GRIP1: variants seen among roughly 807,000 people sequenced by gnomAD.
GRIP1 encodes glutamate receptor interacting protein 1, also known as glutamate receptor-interacting protein 1.
In GRIP1, 45 loss-of-function variants were observed where a neutral mutation model predicts 129.9. The observed-to-expected ratio is 0.35, with a 90% CI of 0.27 to 0.44. The LOEUF is 0.44. GRIP1 is among the 20% of genes least tolerant of loss of function. GRIP1 has a pLI of 1.00. For missense variants in GRIP1, 1,196 were observed against 1,396.8 expected (o/e 0.86, Z 2.29); for synonymous variants, 530 against 520.8 (o/e 1.02, Z -0.24).
intron 1 of GRIP1, among the ~76,000 whole-genome samples, chr12:67,001,046 A>G (rs2042543727): frequency 6.6e-6 from 1 of 152,152 alleles, no homozygotes; most frequent in Non-Finnish European, 1.5e-5. Flanking sequence ...GACTACCTAT[A>G]TTTCTGAAAC....
intron 1 of GRIP1, among the ~76,000 whole-genome samples, chr12:67,012,716 TTTC>T (rs2042728431): frequency 6.6e-6 from 1 of 152,172 alleles, no homozygotes; most frequent in South Asian, 2.1e-4. Context: ...TGTGAATTGT[TTTC>T]TTATCACAGA....
chr12:66,478,065 A>C (rs2059677890), intron 7 of GRIP1, among the ~76,000 whole-genome samples: 1 of 152,244 alleles, frequency 6.6e-6, no homozygotes, highest in South Asian at 2.1e-4. Flanking sequence ...GTGCAGCAAA[A>C]GAAACTACCG....
chr12:66,458,106 T>TG (rs1181878894), intron 9 of GRIP1, among the ~76,000 whole-genome samples: 1 of 152,250 alleles, frequency 6.6e-6, no homozygotes, highest in Non-Finnish European at 1.5e-5. Flanking sequence ...GTTTAGAGAA[T>TG]TTCTCAGAAA....
At chr12:66,395,670 TC>T (rs1390135515) in intron 16 of GRIP1, among the ~76,000 whole-genome samples, 1 of 152,202 alleles carries the variant, frequency 6.6e-6, no homozygotes, top group African/African-American at 2.4e-5. Context: ...AGTGCTCTAC[TC>T]AACGTATTTA....
intron 1 of GRIP1, among the ~76,000 whole-genome samples, chr12:67,033,112 C>G (rs911781003): frequency 2.6e-5 from 4 of 151,894 alleles, no homozygotes; most frequent in Non-Finnish European, 4.4e-5. Context: ...TTTTCCTAGG[C>G]TGAGAACTCA....
At chr12:66,428,629 G>A (rs1350783209) in intron 14 of GRIP1, among the ~76,000 whole-genome samples, 1 of 152,166 alleles carries the variant, frequency 6.6e-6, no homozygotes, top group Non-Finnish European at 1.5e-5. Flanking sequence ...TTGGATCCCT[G>A]CTTCACTTTT....
At chr12:66,713,194 T>G (rs531876724) in intron 1 of GRIP1, among the ~76,000 whole-genome samples, 1 of 152,118 alleles carries the variant, frequency 6.6e-6, no homozygotes, top group East Asian at 1.9e-4. Context: ...TTTCTCAAAG[T>G]AGAAGACTGG....
upstream of GRIP1, among the ~76,000 whole-genome samples, chr12:66,680,934 C>G (rs1252705007): frequency 6.6e-6 from 1 of 151,930 alleles, no homozygotes; most frequent in East Asian, 1.9e-4. Flanking sequence ...CTAAAATGAT[C>G]AAATATTTTC....
chr12:66,407,608 C>A (rs1293240089), intron 15 of GRIP1, among the ~76,000 whole-genome samples: 7 of 152,186 alleles, frequency 4.6e-5, no homozygotes, highest in Admixed American at 4.6e-4. Context: ...GAAAGCAACA[C>A]TGGGCAGAAG....
intron 1 of GRIP1, among the ~76,000 whole-genome samples, chr12:66,612,131 G>C (rs1391794243): frequency 6.6e-6 from 1 of 152,000 alleles, no homozygotes; most frequent in Non-Finnish European, 1.5e-5. Context: ...CTACAGCATA[G>C]GCTGAAAAAA....
chr12:66,805,380 A>G (rs904465056), upstream of GRIP1, among the ~76,000 whole-genome samples: 3 of 150,174 alleles, frequency 2.0e-5, no homozygotes, highest in Non-Finnish European at 4.5e-5. Context: ...TTAATCATGA[A>G]TAATTTTTTT....
chr12:67,021,310 A>G (rs780961983), intron 1 of GRIP1, among the ~76,000 whole-genome samples: 5 of 152,178 alleles, frequency 3.3e-5, no homozygotes, highest in South Asian at 2.1e-4. Flanking sequence ...CTGTCCCCCA[A>G]CAACAACAAA....
rs553183221 is a variant in GRIP1 at position 67,004,552 on chromosome 12, C to G, written c.58+64498G>C. On this transcript the variant is annotated intron_variant, in intron 1 of 1. Transcript: ENST00000643019. ...CCATTGTTACAAAATCATCAACAAG[C>G]CTGGCCATGGAAAGGAGGAGAGTAT... is the stretch of plus-strand genomic sequence containing the variant. Among the ~76,000 whole-genome samples, 138 of 152,080 alleles carry G rather than the reference C, an allele frequency of 9.1e-4. 1 individual carries two copies. The highest frequency in any genetic ancestry group is 6.8e-3 in the Middle Eastern group (2 of 294).
intron 1 of GRIP1, among the ~76,000 whole-genome samples, chr12:66,611,147 G>A (rs914286487): frequency 2.0e-5 from 3 of 152,118 alleles, no homozygotes; most frequent in Non-Finnish European, 4.4e-5. Flanking sequence ...ATAAGTAAAA[G>A]CATTTGTGCA....
chr12:66,406,147 T>C, intron 16 of GRIP1, 136 bp downstream of exon 16: 1 of 773,922 alleles, frequency 1.3e-6, no homozygotes, highest in Non-Finnish European at 2.1e-6. Flanking sequence ...GCACAAAATT[T>C]AAAGACTCTT....
intron 2 of GRIP1, among the ~76,000 whole-genome samples, chr12:66,551,665 T>C (rs1331389131): frequency 6.6e-6 from 1 of 151,376 alleles, no homozygotes. Context: ...TCTTAACTTA[T>C]TGGGCTCAAG....
At chr12:66,802,239 T>C (rs2038879210) in intron 1 of GRIP1, among the ~76,000 whole-genome samples, 1 of 152,106 alleles carries the variant, frequency 6.6e-6, no homozygotes, top group South Asian at 2.1e-4. Flanking sequence ...AGTTTCAAGT[T>C]GGGGACCCAA....
intron 1 of GRIP1, among the ~76,000 whole-genome samples, chr12:66,900,803 AGT>A (rs1362419371): frequency 6.6e-6 from 1 of 152,200 alleles, no homozygotes; most frequent in Non-Finnish European, 1.5e-5. Context: ...AGGAAATAAG[AGT>A]GTGTATCTGG....
At chr12:66,670,358 C>T (rs1196086962) in intron 1 of GRIP1, among the ~76,000 whole-genome samples, 1 of 152,176 alleles carries the variant, frequency 6.6e-6, no homozygotes, top group Non-Finnish European at 1.5e-5. Context: ...TTTCCATCCC[C>T]ATGGAACATT....
Sources: allele counts gnomAD v4.1 joint callset (sites outside exome capture counted in the v4.1 genomes callset), GRCh38; gene constraint gnomAD v4.1.1; transcripts MANE v1.5; gene names NCBI Gene and HGNC (gene_info 2026-07-23, HGNC 2026-07-21).